The following AKAP13 variants were observed in gnomAD, a reference collection of about 807,000 sequenced individuals.
The protein encoded by AKAP13 is A-kinase anchor protein 13.
Under a neutral mutation model 264.5 loss-of-function variants are expected in AKAP13, and 80 were observed. The observed-to-expected ratio is 0.30, with a 90% CI of 0.25 to 0.36. AKAP13 has a LOEUF of 0.36. AKAP13 is among the 10% of genes least tolerant of loss of function. The pLI, the probability that AKAP13 is intolerant of heterozygous loss-of-function variation, is 1.00. For synonymous variants in AKAP13, 1,380 were observed against 1,250.2 expected, an observed-to-expected ratio of 1.10 and a Z score of -2.19; for missense variants, 3,712 against 3,435.2, an observed-to-expected ratio of 1.08 and a Z score of -2.01.
At chr15:85,673,802 C>T (rs1317501131) in intron 14 of AKAP13, among the ~76,000 whole-genome samples, 1 of 150,686 alleles carries the variant, frequency 6.6e-6, no homozygotes, top group Non-Finnish European at 1.5e-5. Context: ...TCTCCTGCCT[C>T]AACCTCCCGA....
intron 4 of AKAP13, among the ~76,000 whole-genome samples, chr15:85,540,474 A>G (rs1596474320): frequency 1.3e-5 from 2 of 152,220 alleles, no homozygotes; most frequent in African/African-American, 4.8e-5. Context: ...GCCATCCACA[A>G]TCCTAAAGCA....
intron 1 of AKAP13, among the ~76,000 whole-genome samples, chr15:85,390,659 G>C (rs973403475): frequency 6.6e-6 from 1 of 152,204 alleles, no homozygotes; most frequent in African/African-American, 2.4e-5. Flanking sequence ...ATTTGCAGTC[G>C]TTCAGGCTAG....
At chr15:85,551,919 A>G (rs1006706034) in intron 5 of AKAP13, among the ~76,000 whole-genome samples, 2 of 152,256 alleles carry the variant, frequency 1.3e-5, no homozygotes, top group African/African-American at 2.4e-5. Context: ...ACGCATACCA[A>G]TAGAAAGAAT....
At chr15:85,560,030 A>C (rs1255336821) in intron 5 of AKAP13, among the ~76,000 whole-genome samples, 1 of 151,230 alleles carries the variant, frequency 6.6e-6, no homozygotes, top group Non-Finnish European at 1.5e-5. Flanking sequence ...TGTGAACTAA[A>C]TATAACTGCA....
chr15:85,512,111 C>T (rs773117333), intron 2 of AKAP13, among the ~76,000 whole-genome samples: 7 of 151,624 alleles, frequency 4.6e-5, no homozygotes, highest in South Asian at 2.1e-4. Flanking sequence ...CATTAATATT[C>T]GGCATAAGCT....
Position 85,708,057 on chromosome 15 carries a change from C to T in AKAP13, c.5503C>T (p.Leu1835=), listed in dbSNP as rs752671158. The T allele has an allele frequency of 3.1e-6, 5 of 1,613,774 alleles. No individual in the cohort carries two copies. The Admixed American group carries it at 6.7e-5, about 22-fold the overall frequency. Residue 1835 remains leucine, a synonymous_variant, in exon 18 of 37, where the codon CTA becomes TTA. Coordinates refer to ENST00000394518, the MANE Select transcript of AKAP13 (RefSeq NM_007200.5). This position sits in a 1 kb window ranked among gnomAD's most constrained non-coding sequence, Gnocchi z 4.3. ...AFVHKGCRES[L]ASCAKVKMKQ... The stretch of plus-strand genomic sequence containing the variant: ...TGTCCACAAAGGCTGCCGAGAAAGT[C>T]TAGCCTCCTGTGCAAAGGTCAAAAT...
At chr15:85,557,414 T>C (rs771904478) in intron 5 of AKAP13, among the ~76,000 whole-genome samples, 11 of 152,338 alleles carry the variant, frequency 7.2e-5, no homozygotes, top group Middle Eastern at 3.4e-3. Flanking sequence ...CACATTTGAT[T>C]CAGGGAAATC....
chr15:85,741,737 A>AC (rs2089007837), intron 35 of AKAP13, among the ~76,000 whole-genome samples: 2 of 150,274 alleles, frequency 1.3e-5, no homozygotes, highest in African/African-American at 2.5e-5. Context: ...AACAAAAAAA[A>AC]AAAACAGTTT....
intron 12 of AKAP13, among the ~76,000 whole-genome samples, chr15:85,660,717 A>T (rs2083306370): frequency 6.6e-6 from 1 of 152,236 alleles, no homozygotes; most frequent in African/African-American, 2.4e-5. Context: ...AAATTATGTC[A>T]GTGTCATCCC....
chr15:85,743,885 T>G (rs993040324), intron 36 of AKAP13, 60 bp downstream of exon 36: 1 of 1,527,236 alleles, frequency 6.5e-7, no homozygotes, highest in Non-Finnish European at 8.8e-7. Context: ...TGAGAGAGGG[T>G]AGATTTTAGT....
chr15:85,497,786 T>G (rs4514633), intron 2 of AKAP13, among the ~76,000 whole-genome samples: 78,192 of 151,938 alleles, frequency 0.51, 20,663 homozygotes, highest in Middle Eastern at 0.62. Flanking sequence ...TCAGCACTGA[T>G]AAAGGAAGTA....
intron 17 of AKAP13, among the ~76,000 whole-genome samples, chr15:85,707,225 C>T (rs559408767): frequency 1.3e-5 from 2 of 152,298 alleles, no homozygotes; most frequent in South Asian, 4.1e-4. Context: ...TTTATAGCAG[C>T]GCTGAGAGCT....
intron 5 of AKAP13, among the ~76,000 whole-genome samples, chr15:85,565,218 G>T (rs111358040): frequency 6.6e-6 from 1 of 150,678 alleles, no homozygotes; most frequent in Non-Finnish European, 1.5e-5. Flanking sequence ...CGTTTATTCA[G>T]GGTGATAGTT....
Position 85,580,694 on chromosome 15 carries a change from G to C in AKAP13, c.2626G>C (p.Ala876Pro). ...ACTTGGTGGAGAGCATGAGGGTCCC[G>C]CCCCTCCAGCAATCCCAGAAGCTCT... ...TGLGGEHEGP[A>P]PPAIPEALNI... is the part of the protein sequence containing the mutation. Residue 876 changes from alanine (A) to proline (P), a missense_variant, in exon 7 of 37, where the codon GCC becomes CCC. Coordinates refer to ENST00000394518, the MANE Select transcript of AKAP13 (RefSeq NM_007200.5). The C allele has an allele frequency of 1.2e-6, 2 of 1,614,144 alleles. No homozygotes were observed. The highest frequency in any genetic ancestry group is 1.7e-6 in the Non-Finnish European group (2 of 1,180,018).
At chr15:85,462,489 C>G (rs1365321868) in intron 1 of AKAP13, among the ~76,000 whole-genome samples, 1 of 152,184 alleles carries the variant, frequency 6.6e-6, no homozygotes, top group Admixed American at 6.5e-5. Context: ...AGAGTTGCCA[C>G]AATGCCCAGG....
chr15:85,646,321 A>G (rs2082558411), intron 10 of AKAP13, among the ~76,000 whole-genome samples: 2 of 152,086 alleles, frequency 1.3e-5, no homozygotes, highest in Non-Finnish European at 2.9e-5. Context: ...CTAAAAATAT[A>G]AAAATTAGCT....
intron 13 of AKAP13, among the ~76,000 whole-genome samples, 176 bp from the exon 14 acceptor site, chr15:85,669,546 C>G (rs1198383435): frequency 2.0e-5 from 3 of 152,228 alleles, no homozygotes; most frequent in East Asian, 1.9e-4. Flanking sequence ...AACTGAGCAG[C>G]TGTTAAGTAG....
intron 8 of AKAP13, among the ~76,000 whole-genome samples, chr15:85,606,474 A>T (rs2086186): frequency 0.15 from 22,203 of 152,044 alleles, 2,216 homozygotes; most frequent in African/African-American, 0.27. Context: ...ATTTATTTAC[A>T]CAGAAGCCAT....
At chr15:85,421,308 C>T (rs866479051) in intron 1 of AKAP13, among the ~76,000 whole-genome samples, 1 of 152,228 alleles carries the variant, frequency 6.6e-6, no homozygotes, top group Non-Finnish European at 1.5e-5. Flanking sequence ...CACATTTGAA[C>T]TTGTGGAACA....
Sources: gnomAD v4.1 joint callset for allele counts (sites outside exome capture counted in the v4.1 genomes callset) on GRCh38, gnomAD v4.1.1 for gene constraint, Gnocchi (gnomAD v3.1) non-coding constraint, MANE v1.5 for transcripts, NCBI Gene and HGNC (gene_info 2026-07-23, HGNC 2026-07-21) for gene names.